CCDC3: variants seen among roughly 807,000 people sequenced by gnomAD.
CCDC3 encodes the protein coiled-coil domain-containing protein 3.
CCDC3 carries 24 observed loss-of-function variants against 21.4 expected under a neutral mutation model. The observed-to-expected ratio is 1.12, with a 90% CI of 0.81 to 1.58. The LOEUF (loss-of-function observed/expected upper bound fraction) is 1.58, where lower values mean the gene tolerates loss of function less well. Among genes scored for constraint, CCDC3 ranks in the 40% most tolerant of loss-of-function variants. CCDC3 has a pLI of 0.00. For missense variants in CCDC3, 425 were observed against 360.9 expected, an observed-to-expected ratio of 1.18 and a Z score of -1.44; for synonymous variants, 186 against 166.0, an observed-to-expected ratio of 1.12 and a Z score of -0.93.
intron 2 of CCDC3, among the ~76,000 whole-genome samples, chr10:12,980,560 G>GC (rs1457711812): frequency 6.6e-6 from 1 of 152,154 alleles, no homozygotes; most frequent in East Asian, 1.9e-4. Flanking sequence ...AGGAAGAAAG[G>GC]CTTAGGTAAG....
At chr10:13,059,864 C>T (rs561234071) in intron 4 of CCDC3, among the ~76,000 whole-genome samples, 2 of 152,140 alleles carry the variant, frequency 1.3e-5, no homozygotes, top group Non-Finnish European at 2.9e-5. Context: ...CCGAGGAGGG[C>T]GGATCATGAG....
rs188126853 is a variant in CCDC3 at position 13,079,390 on chromosome 10, C to T, written c.-502-5290G>A. 6.2e-4 allele frequency among the ~76,000 whole-genome samples: 94 copies of T among 152,288 alleles called. 1 individual carries two copies. Among genetic ancestry groups the T allele is most frequent in the Admixed American group, 4.8e-3 (73 of 15,310 alleles). On this transcript the variant is annotated intron_variant, in intron 3 of 6. Transcript: ENST00000378839. ...TGGAGTAAAGGATCCTCACGTACCACGTGGACCGGGTGACCTCATGCATGA... is the reference window on the plus strand; with the variant it reads ...TGGAGTAAAGGATCCTCACGTACCATGTGGACCGGGTGACCTCATGCATGA...
chr10:13,048,825 G>A (rs1251819039), intron 5 of CCDC3, among the ~76,000 whole-genome samples: 1 of 152,202 alleles, frequency 6.6e-6, no homozygotes, highest in Non-Finnish European at 1.5e-5. Flanking sequence ...AGTAAGGAGT[G>A]TGTGTAAGAG....
chr10:13,084,279 TTTC>T, intron 3 of CCDC3, among the ~76,000 whole-genome samples: 1 of 99,158 alleles, frequency 1.0e-5, no homozygotes, highest in East Asian at 2.4e-4. Flanking sequence ...TCTACCTTCT[TTTC>T]TTTTCTTTTT....
At chr10:12,915,491 T>C (rs1370737464) in intron 2 of CCDC3, among the ~76,000 whole-genome samples, 1 of 152,244 alleles carries the variant, frequency 6.6e-6, no homozygotes, top group Non-Finnish European at 1.5e-5. Flanking sequence ...TCTGTATCTT[T>C]AGAGTCAGTT....
Position 13,027,464 on chromosome 10 carries a change from T to C in CCDC3, c.-2+22210A>G, listed in dbSNP as rs150058533. 5.9e-5 allele frequency among the ~76,000 whole-genome samples: 9 copies of C among 152,306 alleles called. No individual in the cohort carries two copies. In the East Asian group the frequency reaches 1.7e-3, roughly 29 times the overall value. On this transcript the variant is annotated intron_variant, in intron 5 of 6. Transcript: ENST00000378839. The stretch of plus-strand genomic sequence containing the variant: ...CTGTCTCTTTCTCTCTGACGTCTCA[T>C]TGCACTAAGACACTGATTAAGAGGC...
chr10:12,903,035 T>A (rs1834116955), intron 2 of CCDC3, among the ~76,000 whole-genome samples: 1 of 152,194 alleles, frequency 6.6e-6, no homozygotes, highest in Non-Finnish European at 1.5e-5. Flanking sequence ...CCTCGTGGCC[T>A]CTAATATGGG....
At chr10:13,099,455 G>A (rs1313281923) in intron 1 of CCDC3, 3 of 120,076 alleles carry the variant, frequency 2.5e-5, no homozygotes, top group African/African-American at 9.6e-5. Context: ...TCCCATCCCT[G>A]CAGCGCTACC....
At chr10:13,048,327 G>A (rs890178561) in intron 5 of CCDC3, among the ~76,000 whole-genome samples, 2 of 152,004 alleles carry the variant, frequency 1.3e-5, no homozygotes, top group African/African-American at 4.8e-5. Flanking sequence ...TAGTAGCAGG[G>A]ACTACAGGTG....
At chr10:13,072,128 C>T (rs989517270) in intron 4 of CCDC3, among the ~76,000 whole-genome samples, 7 of 152,134 alleles carry the variant, frequency 4.6e-5, no homozygotes, top group East Asian at 3.9e-4. Flanking sequence ...TTTGAGCTGT[C>T]CTTACCGTAA....
At chr10:13,036,634 G>A (rs901927623) in intron 5 of CCDC3, among the ~76,000 whole-genome samples, 88 of 152,088 alleles carry the variant, frequency 5.8e-4, no homozygotes, top group African/African-American at 2.1e-3. Flanking sequence ...ACAGGTGCAC[G>A]CCACCATGCC....
At chr10:13,080,919 C>G (rs779571094) in intron 3 of CCDC3, among the ~76,000 whole-genome samples, 3 of 152,200 alleles carry the variant, frequency 2.0e-5, no homozygotes, top group African/African-American at 4.8e-5. Flanking sequence ...TCCCCAAGGC[C>G]GAAACGCACA....
chr10:12,982,867 C>A (rs1835523243), intron 2 of CCDC3, among the ~76,000 whole-genome samples: 1 of 145,570 alleles, frequency 6.9e-6, no homozygotes, highest in Non-Finnish European at 1.5e-5. Context: ...AATAACAGCA[C>A]TTTGGGTGGC....
At chr10:13,048,203 T>A (rs1024794483) in intron 5 of CCDC3, among the ~76,000 whole-genome samples, 1 of 146,610 alleles carries the variant, frequency 6.8e-6, no homozygotes, top group Non-Finnish European at 1.5e-5. Flanking sequence ...GTCCCAATTA[T>A]TTTTTTTTAG....
chr10:13,012,067 A>G (rs939986585), intron 5 of CCDC3, among the ~76,000 whole-genome samples: 3 of 152,356 alleles, frequency 2.0e-5, no homozygotes, highest in Middle Eastern at 3.4e-3. Flanking sequence ...TTAAAGACCT[A>G]AATATAAAAC....
rs12573754 is a variant in CCDC3, at chr10:13,016,619, A to G, written c.-1-18107T>C. 3.2e-3 allele frequency among the ~76,000 whole-genome samples: 486 copies of G among 152,084 alleles called. 16 individuals carry two copies. The East Asian group carries it at 0.087, about 27-fold the overall frequency. ...GTTGAATCCCTTCCCCCGGGGTCAC[A>G]TAACTACAGGCAGTGTGAAGGGCTG... On this transcript the variant is annotated intron_variant, in intron 5 of 6. Transcript: ENST00000378839.
At chr10:13,090,063 A>ACCGTTTCTTTCTT (rs1564345350) in intron 3 of CCDC3, among the ~76,000 whole-genome samples, 1 of 56,942 alleles carries the variant, frequency 1.8e-5, no homozygotes, top group Non-Finnish European at 3.3e-5. Context: ...ATATATATAT[A>ACCGTTTCTTTCTT]TATATATATA....
chr10:12,985,854 A>C (rs554137120), intron 2 of CCDC3, among the ~76,000 whole-genome samples: 31 of 152,174 alleles, frequency 2.0e-4, no homozygotes, highest in Non-Finnish European at 3.8e-4. Flanking sequence ...CAAAAGACAC[A>C]CGTGATAAAA....
intron 2 of CCDC3, among the ~76,000 whole-genome samples, chr10:12,992,067 T>TA (rs34433198): frequency 0.28 from 41,335 of 145,620 alleles, 5,876 homozygotes; most frequent in African/African-American, 0.32. Context: ...ATATTTGGAT[T>TA]AAAAAAAAAA....
Sources: gnomAD v4.1 joint callset for allele counts (sites outside exome capture counted in the v4.1 genomes callset) on GRCh38, gnomAD v4.1.1 for gene constraint, MANE v1.5 for transcripts, NCBI Gene and HGNC (gene_info 2026-07-23, HGNC 2026-07-21) for gene names.